Variants in RPTOR observed in about 807,000 individuals in gnomAD.
The protein encoded by RPTOR is regulatory associated protein of MTOR complex 1.
Under a neutral mutation model 169.9 loss-of-function variants are expected in RPTOR, and 21 were observed. The observed-to-expected ratio is 0.12, with a 90% CI of 0.09 to 0.18. The LOEUF (loss-of-function observed/expected upper bound fraction) is 0.18. Ranked by LOEUF, RPTOR falls within the 10% of genes least tolerant of loss-of-function variation. The pLI is 1.00. For synonymous variants in RPTOR, 732 were observed against 753.2 expected, an observed-to-expected ratio of 0.97 and a Z score of 0.46; for missense variants, 1,133 against 1,855.9, an observed-to-expected ratio of 0.61 and a Z score of 7.16.
chr17:80,630,796 C>T (rs2065436379), intron 2 of RPTOR, among the ~76,000 whole-genome samples: 1 of 152,180 alleles, frequency 6.6e-6, no homozygotes, highest in African/African-American at 2.4e-5. Flanking sequence ...CCTGCTCCAC[C>T]CCTAGCCTGA....
intron 27 of RPTOR, among the ~76,000 whole-genome samples, chr17:80,948,117 G>C (rs73357870): frequency 6.6e-6 from 1 of 152,172 alleles, no homozygotes; most frequent in Admixed American, 6.5e-5. Flanking sequence ...GGAGGCAGGC[G>C]GGGGAGGCCA....
Position 80,679,106 on chromosome 17 carries a change from C to T in RPTOR, c.349-28735C>T, listed in dbSNP as rs544361887. Among the ~76,000 whole-genome samples, 5 of 152,264 alleles carry T rather than the reference C, an allele frequency of 3.3e-5. No homozygotes were observed. In the South Asian group the frequency reaches 8.3e-4, roughly 25 times the overall value. On this transcript the variant is annotated intron_variant, in intron 3 of 33. Transcript: ENST00000306801. ...GCATGAAAGGCAGGTCTCTGCCGGG[C>T]GCAGCGGCTACCTGTAATCCCAGCT...
intron 11 of RPTOR, among the ~76,000 whole-genome samples, chr17:80,847,842 C>T (rs912545799): frequency 2.6e-5 from 4 of 152,270 alleles, no homozygotes; most frequent in Admixed American, 6.5e-5. Flanking sequence ...CACTGACAGA[C>T]AGCACACCAA....
chr17:80,856,722 C>T lies in RPTOR; in HGVS notation c.1399-1068C>T, dbSNP rs148881476. Among the ~76,000 whole-genome samples, 7 of 152,264 alleles carry T rather than the reference C, an allele frequency of 4.6e-5. No individual in the cohort carries two copies. The East Asian group carries it at 1.4e-3, about 29-fold the overall frequency. On this transcript the variant is annotated intron_variant, in intron 12 of 33. Transcript: ENST00000306801. ...GGAAAGGCCTGCGTGGTATTGCGTG[C>T]ACTCTAAGAAGACAGGAAGCATGTA...
intron 13 of RPTOR, chr17:80,858,263 G>A: frequency 3.5e-6 from 1 of 287,868 alleles, no homozygotes; most frequent in Non-Finnish European, 6.8e-6. Flanking sequence ...ACCCCGCCAT[G>A]GCATAAACTT....
chr17:80,570,689 G>T (rs2064896029), intron 1 of RPTOR, among the ~76,000 whole-genome samples: 2 of 152,082 alleles, frequency 1.3e-5, no homozygotes, highest in African/African-American at 4.8e-5. Context: ...TCAAACTCCT[G>T]ACCTCAAGTG....
In RPTOR at chr17:80,545,543, T is replaced by C. The variant is rs2084263571; in HGVS notation, c.-87T>C. On this transcript the variant is annotated 5_prime_UTR_variant, in exon 1 of 34. Coordinates refer to ENST00000306801, the MANE Select transcript of RPTOR (RefSeq NM_020761.3). ...TCGATTTCCCGTTTTTGTTTCTTAT[T>C]TCACCAATTCTGGTACACGCTAGTT... is the stretch of plus-strand genomic sequence containing the variant. 1 of 1,048,980 alleles carries C rather than the reference T, an allele frequency of 9.5e-7. No individual in the cohort carries two copies. The highest frequency in any genetic ancestry group is 2.5e-5 in the East Asian group (1 of 39,516). The allele number at this position is 1,048,980 out of a possible 1,614,324, so 65.0% of individuals were successfully genotyped here.
chr17:80,716,416 A>AT (rs925091536), intron 4 of RPTOR, among the ~76,000 whole-genome samples: 52 of 150,222 alleles, frequency 3.5e-4, no homozygotes, highest in African/African-American at 8.8e-4. Flanking sequence ...TTTTGATGGG[A>AT]TTTTTTTTTC....
intron 7 of RPTOR, 62 bp from the exon 8 acceptor site, chr17:80,822,139 C>T (rs1015156620): frequency 2.0e-6 from 3 of 1,527,562 alleles, no homozygotes; most frequent in African/African-American, 1.4e-5. Context: ...CTTGCAACCT[C>T]TCTTCCATTC....
intron 6 of RPTOR, 88 bp from the exon 7 acceptor site, chr17:80,791,362 T>C: frequency 1.7e-6 from 2 of 1,205,602 alleles, no homozygotes; most frequent in Middle Eastern, 3.9e-4. Flanking sequence ...TGTCCCCACC[T>C]TTAACTCTTC....
At position 80,695,648 on chromosome 17, in the gene RPTOR, C is replaced by T. The variant is rs1418124472; in HGVS notation, c.349-12193C>T. On this transcript the variant is annotated intron_variant, in intron 3 of 33. Transcript: ENST00000306801. This position sits in a 1 kb window ranked among gnomAD's most constrained non-coding sequence, Gnocchi z 4.9. ...GGGCTTCCTAGTCTCTGCACGTTAC[C>T]CCGAATTCCAGAATAATCGTGAGAA... is the stretch of plus-strand genomic sequence containing the variant. 1.3e-5 allele frequency among the ~76,000 whole-genome samples: 2 copies of T among 152,220 alleles called. No homozygotes were observed. Among genetic ancestry groups the T allele is most frequent in the African/African-American group, 4.8e-5 (2 of 41,450 alleles).
In RPTOR at chr17:80,574,010, G is replaced by A. The variant is rs1054283021; in HGVS notation, c.162+28219G>A. 3.3e-5 allele frequency among the ~76,000 whole-genome samples: 5 copies of A among 152,316 alleles called. No homozygotes were observed. The East Asian group carries it at 7.7e-4, about 23-fold the overall frequency. ...GCTTCATGTCAATTCTTGAGTTCCC[G>A]AGAGTTCGTGTCCAGGTTGGGAATA... is the stretch of plus-strand genomic sequence containing the variant. On this transcript the variant is annotated intron_variant, in intron 1 of 33. Coordinates refer to ENST00000306801, the MANE Select transcript of RPTOR (RefSeq NM_020761.3).
rs139531501 is a variant in RPTOR, at chr17:80,545,650, A to G, written c.21A>G (p.Gln7=). The G allele has an allele frequency of 1.1e-5, 18 of 1,612,488 alleles. No individual in the cohort carries two copies. In the Admixed American group the frequency reaches 1.2e-4, roughly 10 times the overall value. MESEML[Q]SPLLGLGEED... is the part of the protein sequence containing the mutation. ...CACTGATGGAGTCCGAAATGCTGCA[A>G]TCGCCTCTTCTGGGCCTGGGGGAGG... Residue 7 remains glutamine (Q), a synonymous_variant, in exon 1 of 34, where the codon CAA becomes CAG. Coordinates refer to ENST00000306801, the MANE Select transcript of RPTOR (RefSeq NM_020761.3).
chr17:80,864,138 C>G (rs1452247975), intron 13 of RPTOR, among the ~76,000 whole-genome samples: 1 of 152,168 alleles, frequency 6.6e-6, no homozygotes, highest in Non-Finnish European at 1.5e-5. Context: ...ACCCACAGAT[C>G]CACAAAGCTT....
chr17:80,893,966 A>T (rs2068366761), intron 20 of RPTOR, 101 bp downstream of exon 20: 1 of 1,209,600 alleles, frequency 8.3e-7, no homozygotes, highest in African/African-American at 1.6e-5. Context: ...GTGGGTGTCA[A>T]AACTGTCTGT....
chr17:80,568,148 G>A (rs2064866047), intron 1 of RPTOR, among the ~76,000 whole-genome samples: 2 of 151,978 alleles, frequency 1.3e-5, no homozygotes, highest in African/African-American at 2.4e-5. Flanking sequence ...GCCTCAAGCA[G>A]TCTGCCTGCC....
At chr17:80,614,333 C>A (rs2065293175) in intron 1 of RPTOR, among the ~76,000 whole-genome samples, 1 of 152,104 alleles carries the variant, frequency 6.6e-6, no homozygotes, top group African/African-American at 2.4e-5. Flanking sequence ...TGAAGAATGC[C>A]ATTTTTGAAA....
intron 13 of RPTOR, among the ~76,000 whole-genome samples, chr17:80,859,671 A>G (rs2067895323): frequency 6.6e-6 from 1 of 152,204 alleles, no homozygotes; most frequent in African/African-American, 2.4e-5. Flanking sequence ...GAAGGCCTGT[A>G]GGAGCAGGTC....
rs2066577839 is a variant in RPTOR, at chr17:80,746,591, C to A, written c.655-7419C>A. On this transcript the variant is annotated intron_variant, in intron 5 of 33. Transcript: ENST00000306801. The surrounding 1 kb of genome is among the most constrained non-coding windows in gnomAD (Gnocchi z 4.5). The stretch of plus-strand genomic sequence containing the variant: ...TGAGAGTCTTTCTTGTGTTTGAGTC[C>A]CTAGGCTCCCCGGAGAAACCCCTTT... Among the ~76,000 whole-genome samples, 1 of 152,194 alleles carries A rather than the reference C, an allele frequency of 6.6e-6. No individual in the cohort carries two copies. Among genetic ancestry groups the A allele is most frequent in the African/African-American group, 2.4e-5 (1 of 41,508 alleles).
Sources: gnomAD v4.1 joint callset for allele counts (sites outside exome capture counted in the v4.1 genomes callset) on GRCh38, gnomAD v4.1.1 for gene constraint, Gnocchi (gnomAD v3.1) non-coding constraint, MANE v1.5 for transcripts, NCBI Gene and HGNC (gene_info 2026-07-23, HGNC 2026-07-21) for gene names.